RNF212B: variants seen among roughly 807,000 people sequenced by gnomAD.
RNF212B encodes E3 ubiquitin-protein ligase RNF212B.
Under a neutral mutation model 55.5 loss-of-function variants are expected in RNF212B, and 52 were observed. The observed-to-expected ratio is 0.94, with a 90% CI of 0.75 to 1.18. The LOEUF (loss-of-function observed/expected upper bound fraction) is 1.18, where lower values mean the gene tolerates loss of function less well. Among genes scored for constraint, RNF212B ranks in the 50% most tolerant of loss-of-function variants. The pLI is 0.00. For missense variants in RNF212B, 289 were observed against 350.4 expected (o/e 0.82, Z 1.40); for synonymous variants, 99 against 121.4 (o/e 0.82, Z 1.21).
In RNF212B at chr14:23,243,237, T is replaced by C; in HGVS notation, c.101-19T>C. 1.3e-6 allele frequency: 2 copies of C among 1,547,696 alleles called. No individual in the cohort carries two copies. The highest frequency in any genetic ancestry group is 1.7e-6 in the Non-Finnish European group (2 of 1,145,286). ...TCATGCTCATGAGAGCCAAATATTT[T>C]TTTCCCTTTTCCTCCCAGAAAAATG... On this transcript the variant is annotated intron_variant, in intron 2 of 14. Coordinates refer to ENST00000430154, the MANE Select transcript of RNF212B (RefSeq NM_001282322.3).
intron 4 of RNF212B, among the ~76,000 whole-genome samples, chr14:23,251,961 A>G (rs998658933): frequency 6.6e-6 from 1 of 152,186 alleles, no homozygotes; most frequent in African/African-American, 2.4e-5. Flanking sequence ...CCAACTTGGT[A>G]ACTCTCTGAA....
chr14:23,231,079 A>G (rs1225446615), intron 2 of RNF212B, among the ~76,000 whole-genome samples: 1 of 152,148 alleles, frequency 6.6e-6, no homozygotes, highest in Non-Finnish European at 1.5e-5. Flanking sequence ...TTCCTTTTTA[A>G]GATTGTTTTG....
intron 2 of RNF212B, among the ~76,000 whole-genome samples, chr14:23,200,253 A>G (rs1051771602): frequency 1.3e-5 from 2 of 152,134 alleles, no homozygotes; most frequent in Non-Finnish European, 2.9e-5. Context: ...GGAATCTCAG[A>G]TAAGATTTTA....
intron 4 of RNF212B, among the ~76,000 whole-genome samples, chr14:23,255,747 TAA>T (rs1043381738): frequency 1.3e-5 from 2 of 152,212 alleles, no homozygotes; most frequent in African/African-American, 4.8e-5. Context: ...AAACAAAAGT[TAA>T]TCTTCTTTGG....
At chr14:23,213,983 A>G (rs1336440162) in intron 2 of RNF212B, among the ~76,000 whole-genome samples, 9 of 152,108 alleles carry the variant, frequency 5.9e-5, no homozygotes, top group Admixed American at 5.9e-4. Flanking sequence ...AAGTGCTTCA[A>G]TGAATTGGGT....
At chr14:23,244,059 C>A (rs1208642547) in intron 3 of RNF212B, among the ~76,000 whole-genome samples, 3 of 151,196 alleles carry the variant, frequency 2.0e-5, no homozygotes, top group Admixed American at 2.0e-4. Context: ...GCCTGGGTGA[C>A]AACAGCAAAA....
chr14:23,188,859 T>A (rs1170410870), intron 1 of RNF212B, among the ~76,000 whole-genome samples: 1 of 152,146 alleles, frequency 6.6e-6, no homozygotes, highest in Non-Finnish European at 1.5e-5. Context: ...AAATGGTGCC[T>A]GGCACTCAAT....
At chr14:23,218,921 T>C (rs1881325049) in intron 2 of RNF212B, among the ~76,000 whole-genome samples, 1 of 151,590 alleles carries the variant, frequency 6.6e-6, no homozygotes, top group Non-Finnish European at 1.5e-5. Flanking sequence ...AGGTCAAGGA[T>C]TAAAAAAAAG....
At chr14:23,221,191 A>T (rs546907645) in intron 2 of RNF212B, among the ~76,000 whole-genome samples, 2 of 151,452 alleles carry the variant, frequency 1.3e-5, no homozygotes, top group Non-Finnish European at 2.9e-5. Context: ...GTTTGAGACG[A>T]GCCTGGCCAG....
rs906017727 is a variant in RNF212B, at chr14:23,240,445, G to A, written c.100G>A (p.Glu34Lys). 1.3e-6 allele frequency: 2 copies of A among 1,535,536 alleles called. No individual in the cohort carries two copies. The highest frequency in any genetic ancestry group is 8.8e-7 in the Non-Finnish European group (1 of 1,133,806). The change falls in exon 2 of 15, where the codon GAA becomes AAA. Residue 34 changes from glutamate (E) to lysine (K), a missense_variant and splice_region_variant. Coordinates refer to ENST00000430154, the MANE Select transcript of RNF212B (RefSeq NM_001282322.3). ...TTTCTGTAAAAAGTGTGTGACTCTG[G>A]GTGAGTGACTCAACTGTTTTCAGAT... is the stretch of plus-strand genomic sequence containing the variant. ...HIFCKKCVTLEKCAVCGTACK... is the reference protein window; with the variant it reads ...HIFCKKCVTLKKCAVCGTACK...
chr14:23,256,163 C>T (rs755183295), intron 4 of RNF212B, among the ~76,000 whole-genome samples: 1 of 152,112 alleles, frequency 6.6e-6, no homozygotes, highest in Non-Finnish European at 1.5e-5. Context: ...TAGGATTTGG[C>T]TTATCTTGAT....
intron 4 of RNF212B, among the ~76,000 whole-genome samples, chr14:23,252,094 G>GC (rs1780155243): frequency 6.6e-6 from 1 of 152,028 alleles, no homozygotes; most frequent in African/African-American, 2.4e-5. Context: ...CAGGGGTTGG[G>GC]GGGCGTGGGA....
At chr14:23,267,393 G>A (rs1174248602) in intron 11 of RNF212B, among the ~76,000 whole-genome samples, 1 of 151,830 alleles carries the variant, frequency 6.6e-6, no homozygotes, top group Non-Finnish European at 1.5e-5. Context: ...CTTGATAAAT[G>A]GACCCCTTTA....
At chr14:23,186,004 G>GT (rs1877554737) in intron 1 of RNF212B, among the ~76,000 whole-genome samples, 1 of 152,194 alleles carries the variant, frequency 6.6e-6, no homozygotes, top group Non-Finnish European at 1.5e-5. Flanking sequence ...GGAGGCTGAG[G>GT]TGGGAGGATC....
intron 4 of RNF212B, among the ~76,000 whole-genome samples, chr14:23,252,342 C>T (rs545808302): frequency 1.3e-5 from 2 of 152,170 alleles, no homozygotes; most frequent in South Asian, 4.1e-4. Flanking sequence ...TTACACCACA[C>T]CCTGTTCAAA....
At chr14:23,270,125 G>A (rs1468331454) in intron 13 of RNF212B, among the ~76,000 whole-genome samples, 165 bp downstream of exon 13, 1 of 152,186 alleles carries the variant, frequency 6.6e-6, no homozygotes. Flanking sequence ...TCTTCAGAGT[G>A]AAGGGAAACT....
intron 2 of RNF212B, among the ~76,000 whole-genome samples, chr14:23,213,541 G>C (rs1231593932): frequency 6.6e-6 from 1 of 152,102 alleles, no homozygotes; most frequent in East Asian, 1.9e-4. Context: ...GTCCCTCTGG[G>C]TATCAGCAAA....
upstream of RNF212B, among the ~76,000 whole-genome samples, chr14:23,236,085 A>G (rs8021709): frequency 0.062 from 9,455 of 152,328 alleles, 529 homozygotes; most frequent in African/African-American, 0.15. Flanking sequence ...TGCAAAAGTT[A>G]ATGCAGAAGC....
At chr14:23,264,336 T>C in intron 10 of RNF212B, 102 bp downstream of exon 10, 1 of 1,004,780 alleles carries the variant, frequency 1.0e-6, no homozygotes, top group Non-Finnish European at 1.5e-6. Context: ...TGGCATAAAT[T>C]ATCTGATGTC....
Sources: gnomAD v4.1 joint callset for allele counts (sites outside exome capture counted in the v4.1 genomes callset) on GRCh38, gnomAD v4.1.1 for gene constraint, MANE v1.5 for transcripts, NCBI Gene and HGNC (gene_info 2026-07-23, HGNC 2026-07-21) for gene names.